Variants in GPR50 observed in about 807,000 individuals in gnomAD.
GPR50 encodes the protein G protein-coupled receptor 50, also known as melatonin-related receptor.
A neutral mutation model predicts 2.6 loss-of-function variants in GPR50; 1 was observed. That is an observed-to-expected ratio of 0.38 (90% confidence interval 0.13 to 1.79). GPR50 has a LOEUF of 1.79. GPR50 is among the 40% of genes most tolerant of loss of function. The pLI is 0.33. For missense variants in GPR50, 535 were observed against 522.1 expected, an observed-to-expected ratio of 1.02 and a Z score of -0.24; for synonymous variants, 233 against 202.3, an observed-to-expected ratio of 1.15 and a Z score of -1.29.
chrX:151,180,665 C>A lies in GPR50; in HGVS notation c.1082C>A (p.Thr361Asn), dbSNP rs778133759. Reference protein sequence around the residue: ...RAHACPAVEETPMNVRNVPLP... With the variant: ...RAHACPAVEENPMNVRNVPLP... ...CATGCCTGTCCTGCTGTGGAGGAAA[C>A]CCCGATGAATGTCCGGAATGTTCCA... Residue 361 changes from threonine (T) to asparagine (N), a missense_variant, in exon 2 of 2, where the codon ACC becomes AAC. Coordinates refer to ENST00000218316, the MANE Select transcript of GPR50 (RefSeq NM_004224.3). The A allele has an allele frequency of 8.3e-7, 1 of 1,211,625 alleles. No individual in the cohort carries two copies. Among genetic ancestry groups the A allele is most frequent in the Non-Finnish European group, 1.1e-6 (1 of 895,433 alleles).
At chrX:151,179,589 T>C (rs2048699662) in intron 1 of GPR50, among the ~76,000 whole-genome samples, 182 bp from the exon 2 acceptor site, 1 of 111,813 alleles carries the variant, frequency 8.9e-6, no homozygotes, top group Non-Finnish European at 1.9e-5. Context: ...GATTTTGTGC[T>C]CACTGCTGTC....
intron 1 of GPR50, among the ~76,000 whole-genome samples, chrX:151,178,960 G>A (rs1393519500): frequency 8.9e-6 from 1 of 112,382 alleles, no homozygotes; most frequent in East Asian, 2.8e-4. Flanking sequence ...CGCTGAATGT[G>A]CCAGTGCGCG....
rs1048584688 is a variant in GPR50 at position 151,181,053 on chromosome X, T to G, written c.1470T>G (p.Ser490=). ...HHVSAGSHSK[S]AFSAATSHPK... is the part of the protein sequence containing the mutation. Reference sequence around the variant, plus strand: ...TCTCTGCTGGCAGCCACTCCAAGTCTGCCTTCAGTGCTGCCACCAGCCACC... The same window carrying G: ...TCTCTGCTGGCAGCCACTCCAAGTCGGCCTTCAGTGCTGCCACCAGCCACC... The change falls in exon 2 of 2, where the codon TCT becomes TCG. Residue 490 remains serine (S), a synonymous_variant. Transcript: ENST00000218316. 2 of 1,210,945 alleles carry G rather than the reference T, an allele frequency of 1.7e-6. No individual in the cohort carries two copies. The highest frequency in any genetic ancestry group is 4.6e-4 in the Middle Eastern group (2 of 4,353).
At chrX:151,178,307 G>A (rs760183217) in intron 1 of GPR50, among the ~76,000 whole-genome samples, 1 of 112,485 alleles carries the variant, frequency 8.9e-6, no homozygotes, top group South Asian at 3.7e-4. Flanking sequence ...AAAGTCTGGT[G>A]GGTGTCTCCG....
chrX:151,180,192 C>A lies in GPR50; in HGVS notation c.609C>A (p.Ile203=). Residue 203 remains isoleucine, a synonymous_variant, in exon 2 of 2, where the codon ATC becomes ATA. Coordinates refer to ENST00000218316, the MANE Select transcript of GPR50 (RefSeq NM_004224.3). ...VCIHFVLPLL[I]VGFCYVRIWT... is the part of the protein sequence containing the mutation. ...TCCACTTCGTCCTCCCTCTCCTCATCGTGGGTTTCTGCTACGTGAGGATCT... is the reference window on the plus strand; with the variant it reads ...TCCACTTCGTCCTCCCTCTCCTCATAGTGGGTTTCTGCTACGTGAGGATCT... The A allele has an allele frequency of 1.7e-6, 2 of 1,205,892 alleles. No homozygotes were observed. Among genetic ancestry groups the A allele is most frequent in the Non-Finnish European group, 1.1e-6 (1 of 895,058 alleles).
In GPR50 at chrX:151,181,318, C is replaced by A; in HGVS notation, c.1735C>A (p.Leu579Met). The change falls in exon 2 of 2, where the codon CTG becomes ATG. Residue 579 changes from leucine (L) to methionine (M), a missense_variant. Transcript: ENST00000218316. Reference protein sequence around the residue: ...AGPTKPAASQLESDTIADLPD... With the variant: ...AGPTKPAASQMESDTIADLPD... Reference sequence around the variant, plus strand: ...GCCCACCAAGCCTGCTGCCAGCCAGCTGGAGTCTGACACCATCGCTGACCT... The same window carrying A: ...GCCCACCAAGCCTGCTGCCAGCCAGATGGAGTCTGACACCATCGCTGACCT... 1 of 1,209,915 alleles carries A rather than the reference C, an allele frequency of 8.3e-7. No individual in the cohort carries two copies. The highest frequency in any genetic ancestry group is 3.0e-5 in the East Asian group (1 of 33,837).
downstream of GPR50, among the ~76,000 whole-genome samples, chrX:151,182,041 C>T (rs939597705): frequency 8.9e-6 from 1 of 112,646 alleles, no homozygotes; most frequent in Non-Finnish European, 1.9e-5. Flanking sequence ...TTGAAGAATA[C>T]AATTTGATAA....
downstream of GPR50, chrX:151,181,581 C>T (rs147702999): frequency 3.1e-3 from 1,415 of 459,460 alleles, 17 homozygotes; most frequent in African/African-American, 0.029. Context: ...TTCAGGCGTA[C>T]TCATCCTTTA....
Position 151,180,520 on chromosome X carries a change from C to T in GPR50, c.937C>T (p.Arg313Trp), listed in dbSNP as rs376836037. ...REYWTIFHAM[R>W]HPIIFFSGLI... The stretch of plus-strand genomic sequence containing the variant: ...ATACTGGACCATCTTCCATGCTATG[C>T]GGCACCCTATCATATTCTTCTCTGG... Residue 313 changes from arginine to tryptophan, a missense_variant, in exon 2 of 2, where the codon CGG (arginine) becomes TGG (tryptophan). Physicochemically the swap from Arg to Trp is moderately radical, Grantham distance 101. Coordinates refer to ENST00000218316, the MANE Select transcript of GPR50 (RefSeq NM_004224.3). 20 of 1,209,005 alleles carry T rather than the reference C, an allele frequency of 1.7e-5. No homozygotes were observed. Among genetic ancestry groups the T allele is most frequent in the Non-Finnish European group, 2.2e-5 (20 of 894,755 alleles).
chrX:151,181,114 A>G lies in GPR50; in HGVS notation c.1531A>G (p.Ser511Gly), dbSNP rs998246004. 2 of 1,208,332 alleles carry G rather than the reference A, an allele frequency of 1.7e-6. No homozygotes were observed. Among genetic ancestry groups the G allele is most frequent in the Admixed American group, 2.2e-5 (1 of 45,804 alleles). ...CACTGGCCACATCAAGCCAGCTACC[A>G]GCCATGCTGAGCCCACCACTGCTGA... ...PTTGHIKPAT[S>G]HAEPTTADYP... Residue 511 changes from serine (S) to glycine (G), a missense_variant, in exon 2 of 2, where the codon AGC becomes GGC. Ser to Gly is a moderately conservative substitution (Grantham distance 56). Transcript: ENST00000218316.
At chrX:151,178,949 G>T (rs887262717) in intron 1 of GPR50, among the ~76,000 whole-genome samples, 1 of 112,405 alleles carries the variant, frequency 8.9e-6, no homozygotes, top group Non-Finnish European at 1.9e-5. Flanking sequence ...TCTGTGCAGG[G>T]CGCTGAATGT....
intron 1 of GPR50, among the ~76,000 whole-genome samples, chrX:151,178,314 T>A (rs1394914612): frequency 8.9e-6 from 1 of 112,490 alleles, no homozygotes; most frequent in East Asian, 2.8e-4. Context: ...GGTGGGTGTC[T>A]CCGATTTCTC....
At chrX:151,182,840 G>A (rs913468961), downstream of GPR50, 5 of 112,372 alleles carry the variant, frequency 4.4e-5, no homozygotes, top group African/African-American at 1.6e-4. Context: ...TTAAATAGAA[G>A]TGTTTTTGTG....
At position 151,181,178 on chromosome X, in the gene GPR50, C is replaced by A; in HGVS notation, c.1595C>A (p.Thr532Asn). The change falls in exon 2 of 2, where the codon ACT (threonine) becomes AAT (asparagine). Residue 532 changes from threonine (T) to asparagine (N), a missense_variant. Coordinates refer to ENST00000218316, the MANE Select transcript of GPR50 (RefSeq NM_004224.3). ...GCCACTACCAGCCACCCTAAGCCCACTGCTGCTGACAACCCTGAGCTCTCT... is the reference window on the plus strand; with the variant it reads ...GCCACTACCAGCCACCCTAAGCCCAATGCTGCTGACAACCCTGAGCTCTCT... ...KPATTSHPKP[T>N]AADNPELSAS... 20 of 1,211,318 alleles carry A rather than the reference C, an allele frequency of 1.7e-5. No homozygotes were observed. The highest frequency in any genetic ancestry group is 2.1e-5 in the Non-Finnish European group (19 of 895,158).
intron 1 of GPR50, among the ~76,000 whole-genome samples, chrX:151,178,792 A>G (rs987954159): frequency 2.7e-5 from 3 of 112,500 alleles, no homozygotes; most frequent in African/African-American, 9.7e-5. Context: ...CTGCGCCTGC[A>G]CCTGGCCTCT....
chrX:151,181,618 C>T (rs980021440), downstream of GPR50, among the ~76,000 whole-genome samples: 8 of 112,016 alleles, frequency 7.1e-5, no homozygotes, highest in Admixed American at 2.8e-4. Context: ...AAAGTGTGTG[C>T]GTGGGTGTGT....
chrX:151,178,266 A>G (rs1371636636), intron 1 of GPR50, among the ~76,000 whole-genome samples: 1 of 111,878 alleles, frequency 8.9e-6, no homozygotes, highest in Non-Finnish European at 1.9e-5. Flanking sequence ...AAACGCACTG[A>G]CTGGCACACA....
Position 151,180,717 on chromosome X carries a change from C to T in GPR50, c.1134C>T (p.His378=). ...TACCTGGTGATGCTGCAGCTGGCCA[C>T]CCCGACCGTGCCTCTGGCCACCCTA... ...VPLPGDAAAG[H]PDRASGHPKP... The change falls in exon 2 of 2, where the codon CAC becomes CAT. Residue 378 remains histidine, a synonymous_variant. Transcript: ENST00000218316. 2 of 1,211,217 alleles carry T rather than the reference C, an allele frequency of 1.7e-6. No individual in the cohort carries two copies. Among genetic ancestry groups the T allele is most frequent in the Non-Finnish European group, 1.1e-6 (1 of 895,158 alleles).
At chrX:151,178,402 C>T (rs764560439) in intron 1 of GPR50, among the ~76,000 whole-genome samples, 83 of 112,911 alleles carry the variant, frequency 7.4e-4, no homozygotes, top group African/African-American at 2.6e-3. Flanking sequence ...GGTGCAAACC[C>T]ACGGAATCCT....
Sources: gnomAD v4.1 joint callset for allele counts (sites outside exome capture counted in the v4.1 genomes callset) on GRCh38, gnomAD v4.1.1 for gene constraint, MANE v1.5 for transcripts, NCBI Gene and HGNC (gene_info 2026-07-23, HGNC 2026-07-21) for gene names.